Variants in TSPOAP1 observed in about 807,000 individuals in gnomAD.
The protein encoded by TSPOAP1 is TSPO associated protein 1.
In TSPOAP1, 87 loss-of-function variants were observed where a neutral mutation model predicts 197.0. The ratio of observed to expected loss-of-function variants is 0.44; its 90% CI spans 0.37 to 0.53. The LOEUF (loss-of-function observed/expected upper bound fraction) is 0.53, where lower values mean the gene tolerates loss of function less well. Among genes scored for constraint, TSPOAP1 ranks in the 20% least tolerant of loss-of-function variants. The pLI is 0.00. For missense variants in TSPOAP1, 2,174 were observed against 2,411.3 expected (o/e 0.90, Z 2.06); for synonymous variants, 913 against 998.9 (o/e 0.91, Z 1.62).
chr17:58,320,139 G>A lies in TSPOAP1; in HGVS notation c.1474-10C>T. 2 of 1,614,164 alleles carry A rather than the reference G, an allele frequency of 1.2e-6. No individual in the cohort carries two copies. Among genetic ancestry groups the A allele is most frequent in the Non-Finnish European group, 1.7e-6 (2 of 1,180,006 alleles). On this transcript the variant is annotated splice_polypyrimidine_tract_variant and intron_variant, in intron 11 of 31. Transcript: ENST00000343736. ...TGGAATCCAAGGTAGACTGTTGCAG[G>A]AAAGGAAGCAGAGAACAGGTTAGAA...
rs1971237585 is a variant in TSPOAP1, at chr17:58,316,441, A to G, written c.1972T>C (p.Phe658Leu). Residue 658 changes from phenylalanine (F) to leucine (L), a missense_variant, in exon 15 of 32, where the codon TTC becomes CTC. By Grantham distance (22) the Phe-to-Leu change is conservative (BLOSUM62 0). Transcript: ENST00000343736. Reference protein sequence around the residue: ...GSRGGARIQVFLARYSYNPFE... With the variant: ...GSRGGARIQVLLARYSYNPFE... Reference sequence around the variant, plus strand: ...GGGACCCACCTATAACGTGCTAGGAAGACCTGGATCCTGGCTCCTCCCCGG... The same window carrying G: ...GGGACCCACCTATAACGTGCTAGGAGGACCTGGATCCTGGCTCCTCCCCGG... The G allele has an allele frequency of 2.5e-6, 4 of 1,613,414 alleles. No individual in the cohort carries two copies. The highest frequency in any genetic ancestry group is 3.4e-6 in the Non-Finnish European group (4 of 1,179,612).
intron 20 of TSPOAP1, 51 bp from the exon 21 acceptor site, chr17:58,310,209 G>A (rs1971038443): frequency 2.6e-6 from 4 of 1,556,346 alleles, no homozygotes; most frequent in Non-Finnish European, 3.5e-6. Context: ...AGGGGGCACA[G>A]GGGGTTCCAG....
At chr17:58,314,925 T>A (rs1971180268) in intron 16 of TSPOAP1, among the ~76,000 whole-genome samples, 1 of 152,354 alleles carries the variant, frequency 6.6e-6, no homozygotes, top group African/African-American at 2.4e-5. Context: ...GAATACGGCA[T>A]CTTGCCCCCG....
rs1318311669 is a variant in TSPOAP1 at position 58,326,729 on chromosome 17, T to A, written c.395A>T (p.Glu132Val). The change falls in exon 2 of 32, where the codon GAG becomes GTG. Residue 132 changes from glutamate to valine, a missense_variant. This residue lies in a region of TSPOAP1 where 1,933 missense variants were observed against 2,139.0 expected (regional missense o/e 0.90). Transcript: ENST00000343736. This position sits in a 1 kb window ranked among gnomAD's most constrained non-coding sequence, Gnocchi z 4.7. ...AAGGATGGCACAGCGCTGCCGCAGC[T>A]CCCCCAGGGCCCTCAGCAGCTCCAG... ...PNLELLRALG[E>V]LRQRCAILKE... The A allele has an allele frequency of 1.2e-6, 2 of 1,613,792 alleles. No individual in the cohort carries two copies. The highest frequency in any genetic ancestry group is 3.3e-5 in the Admixed American group (2 of 59,986).
rs759094578 is a variant in TSPOAP1, at chr17:58,315,972, T to C, written c.2098+51A>G. On this transcript the variant is annotated intron_variant, in intron 16 of 31. Transcript: ENST00000343736. ...GGATGGATATCCGTCTTTGGGAACA[T>C]GGGCTCAAAGGCAGGGGAATGGACA... 18 of 1,382,120 alleles carry C rather than the reference T, an allele frequency of 1.3e-5. 1 individual carries two copies. The Admixed American group carries it at 3.0e-4, about 23-fold the overall frequency. The allele number at this position is 1,382,120 out of a possible 1,614,324, so 85.6% of individuals were successfully genotyped here. A position where few individuals can be genotyped will look rare whatever the true frequency, so the allele number is the denominator to read the frequency against.
chr17:58,310,990 A>G lies in TSPOAP1; in HGVS notation c.3305T>C (p.Leu1102Pro), dbSNP rs759183267. The stretch of plus-strand genomic sequence containing the variant: ...TCCAGGCCCTGGGGAGGCTGAAGCA[A>G]GGGGCGCTCTGGCCTCTGGGCTTGG... ...PHPSPEARAP[L>P]ASASPGPGDP... Residue 1102 changes from leucine (L) to proline (P), a missense_variant, in exon 19 of 32, where the codon CTT (leucine) becomes CCT (proline). Coordinates refer to ENST00000343736, the MANE Select transcript of TSPOAP1 (RefSeq NM_004758.4). 7 of 1,597,534 alleles carry G rather than the reference A, an allele frequency of 4.4e-6. No homozygotes were observed. The highest frequency in any genetic ancestry group is 3.4e-6 in the Non-Finnish European group (4 of 1,172,088).
chr17:58,317,177 T>C (rs1971265901), intron 14 of TSPOAP1, among the ~76,000 whole-genome samples: 1 of 152,008 alleles, frequency 6.6e-6, no homozygotes, highest in Admixed American at 6.6e-5. Flanking sequence ...GCCTGGGGGA[T>C]AGAGCGAGGC....
chr17:58,325,294 A>G (rs2143147024), intron 4 of TSPOAP1, among the ~76,000 whole-genome samples: 1 of 152,310 alleles, frequency 6.6e-6, no homozygotes, highest in Admixed American at 6.5e-5. Flanking sequence ...GTGGATGCAT[A>G]CAGCCAGACC....
chr17:58,309,974 C>T lies in TSPOAP1; in HGVS notation c.3884G>A (p.Gly1295Glu), dbSNP rs758119176. 6.2e-7 allele frequency: 1 copy of T among 1,611,804 alleles called. No individual in the cohort carries two copies. Among genetic ancestry groups the T allele is most frequent in the Admixed American group, 1.7e-5 (1 of 59,970 alleles). Reference protein sequence around the residue: ...QVAGNSIRENGAKSQPDPFCE... With the variant: ...QVAGNSIRENEAKSQPDPFCE... ...CCATCCCTACCCCGTTACCTTGGCC[C>T]CATTCTCCCTGATGCTGTTGCCAGC... Residue 1295 changes from glycine to glutamate, a missense_variant, in exon 21 of 32, where the codon GGG becomes GAG. Physicochemically the swap from Gly to Glu is moderately conservative, Grantham distance 98. This residue lies in a region of TSPOAP1 where 1,933 missense variants were observed against 2,139.0 expected (regional missense o/e 0.90). Transcript: ENST00000343736. This position sits in a 1 kb window ranked among gnomAD's most constrained non-coding sequence, Gnocchi z 5.0.
Position 58,302,340 on chromosome 17 carries a change from G to A in TSPOAP1, c.*140C>T, listed in dbSNP as rs1292198074. The A allele has an allele frequency of 1.6e-5, 20 of 1,289,436 alleles. No homozygotes were observed. Among genetic ancestry groups the A allele is most frequent in the South Asian group, 3.7e-5 (3 of 81,030 alleles). 79.9% of individuals were successfully genotyped at this position (1,289,436 alleles called of 1,614,324 possible). ...TGGAGAAGAAACCCCACACCTTCTC[G>A]CTTCTGCCCTGGGGCTCCCCACGTT... On this transcript the variant is annotated 3_prime_UTR_variant, in exon 32 of 32. Transcript: ENST00000343736.
Position 58,327,677 on chromosome 17 carries a change from C to T in TSPOAP1, c.244G>A (p.Ala82Thr), listed in dbSNP as rs1401678308. The stretch of plus-strand genomic sequence containing the variant: ...TGCTGGCCCAGGCTGGGCAGACAAG[C>T]CTCTGCTCCTTCAGGGTCAGTTCCC... ...VGGTDPEGAE[A>T]CLPSLGQQAS... The change falls in exon 1 of 32, where the codon GCT (alanine) becomes ACT (threonine). Residue 82 changes from alanine (A) to threonine (T), a missense_variant. Transcript: ENST00000343736. 6.2e-6 allele frequency: 10 copies of T among 1,613,862 alleles called. No individual in the cohort carries two copies. The highest frequency in any genetic ancestry group is 7.6e-6 in the Non-Finnish European group (9 of 1,180,040).
In TSPOAP1 at chr17:58,311,616, G is replaced by T; in HGVS notation, c.3036C>A (p.Asn1012Lys). 1 of 1,609,612 alleles carries T rather than the reference G, an allele frequency of 6.2e-7. No individual in the cohort carries two copies. Among genetic ancestry groups the T allele is most frequent in the Non-Finnish European group, 8.5e-7 (1 of 1,177,090 alleles). ...PVTIDAAGTS[N>K]GVRVTGYAIY... ...TGGCATAGCCTGTGACCCGGACACC[G>T]TTGGATGTGCCAGCAGCATCGATGG... The change falls in exon 18 of 32, where the codon AAC becomes AAA. Residue 1012 changes from asparagine to lysine, a missense_variant. Around this residue, in one of 5 missense-constraint regions of TSPOAP1, gnomAD observed 1,933 missense variants for 2,139.0 expected, o/e 0.90. Coordinates refer to ENST00000343736, the MANE Select transcript of TSPOAP1 (RefSeq NM_004758.4).
Position 58,326,535 on chromosome 17 carries a change from C to G in TSPOAP1, c.442-114G>C. 1 of 1,550,058 alleles carries G rather than the reference C, an allele frequency of 6.5e-7. No homozygotes were observed. Among genetic ancestry groups the G allele is most frequent in the Non-Finnish European group, 8.7e-7 (1 of 1,143,046 alleles). On this transcript the variant is annotated intron_variant, in intron 2 of 31. Coordinates refer to ENST00000343736, the MANE Select transcript of TSPOAP1 (RefSeq NM_004758.4). The surrounding 1 kb of genome is among the most constrained non-coding windows in gnomAD (Gnocchi z 4.7). ...GCTCACAGTGGGGTCCTTGGCAACT[C>G]TAGGCAGGGGTTCACCCTCTCTGGG...
In TSPOAP1 at chr17:58,312,420, T is replaced by C. The variant is rs775473422; in HGVS notation, c.2401A>G (p.Lys801Glu). The change falls in exon 17 of 32, where the codon AAG becomes GAG. Residue 801 changes from lysine to glutamate, a missense_variant. Lys to Glu is a moderately conservative substitution (Grantham distance 56). Around this residue, in one of 5 missense-constraint regions of TSPOAP1, gnomAD observed 1,933 missense variants for 2,139.0 expected, o/e 0.90. Transcript: ENST00000343736. Reference protein sequence around the residue: ...VPYPRRLVVLKQLAHSVVLAW... With the variant: ...VPYPRRLVVLEQLAHSVVLAW... Reference sequence around the variant, plus strand: ...AGCACCACGCTGTGGGCCAGCTGCTTGAGGACCACCAGACGGCGGGGGTAA... The same window carrying C: ...AGCACCACGCTGTGGGCCAGCTGCTCGAGGACCACCAGACGGCGGGGGTAA... The C allele has an allele frequency of 6.2e-7, 1 of 1,613,152 alleles. No individual in the cohort carries two copies. The highest frequency in any genetic ancestry group is 1.7e-5 in the Admixed American group (1 of 59,978).
chr17:58,306,163 G>A (rs921245589), intron 26 of TSPOAP1, among the ~76,000 whole-genome samples, 179 bp downstream of exon 26: 4 of 151,702 alleles, frequency 2.6e-5, no homozygotes, highest in Non-Finnish European at 4.4e-5. Context: ...GATGTGGGTG[G>A]TCTGCCGATT....
rs904118719 is a variant in TSPOAP1 at position 58,320,512 on chromosome 17, C to T, written c.1473+19G>A. On this transcript the variant is annotated intron_variant, in intron 11 of 31. Coordinates refer to ENST00000343736, the MANE Select transcript of TSPOAP1 (RefSeq NM_004758.4). Reference sequence around the variant, plus strand: ...CCTCCCAAGATGGTGGAACTGGGGGCCACTTCCAGGCGCCCTACCTCCAGC... The same window carrying T: ...CCTCCCAAGATGGTGGAACTGGGGGTCACTTCCAGGCGCCCTACCTCCAGC... The T allele has an allele frequency of 6.6e-7, 1 of 1,511,988 alleles. No individual in the cohort carries two copies. The highest frequency in any genetic ancestry group is 8.9e-7 in the Non-Finnish European group (1 of 1,129,552). The allele number at this position is 1,511,988 out of a possible 1,614,324, so 93.7% of individuals were successfully genotyped here. A position where few individuals can be genotyped will look rare whatever the true frequency, so the allele number is the denominator to read the frequency against.
rs1268119346 is a variant in TSPOAP1, at chr17:58,323,539, G to T, written c.949C>A (p.Pro317Thr). Residue 317 changes from proline to threonine, a missense_variant, in exon 6 of 32, where the codon CCC becomes ACC. Transcript: ENST00000343736. The part of the protein sequence containing the change: ...PAPGAPGEAT[P>T]QEDADNLPVI... The stretch of plus-strand genomic sequence containing the variant: ...GGTAGGTTGTCCGCATCCTCCTGGG[G>T]CGTGGCCTGGAAATGCCCAGGGGCA... The T allele has an allele frequency of 1.2e-6, 2 of 1,613,926 alleles. No homozygotes were observed. The highest frequency in any genetic ancestry group is 1.7e-6 in the Non-Finnish European group (2 of 1,179,868).
Position 58,322,278 on chromosome 17 carries a change from G to A in TSPOAP1, c.1422+30C>T, listed in dbSNP as rs760476114. ...TGAGTGGCAAAGCTGGTGTCCAGCA[G>A]CCTGCCAGCTTCCCTCACTGCCGCC... On this transcript the variant is annotated intron_variant, in intron 10 of 31. Coordinates refer to ENST00000343736, the MANE Select transcript of TSPOAP1 (RefSeq NM_004758.4). This position sits in a 1 kb window ranked among gnomAD's most constrained non-coding sequence, Gnocchi z 5.0. The A allele has an allele frequency of 1.9e-6, 3 of 1,591,746 alleles. No homozygotes were observed. Among genetic ancestry groups the A allele is most frequent in the Non-Finnish European group, 2.6e-6 (3 of 1,172,218 alleles).
rs144443753 is a variant in TSPOAP1 at position 58,308,794 on chromosome 17, T to C, written c.4478A>G (p.Lys1493Arg). 22 of 1,612,900 alleles carry C rather than the reference T, an allele frequency of 1.4e-5. No homozygotes were observed. Among genetic ancestry groups the C allele is most frequent in the Non-Finnish European group, 1.7e-5 (20 of 1,179,988 alleles). ...EPGLASCLSP[K>R]CLEISIEYDS... Reference sequence around the variant, plus strand: ...ATATTCAATGCTGATTTCCAAGCACTTGGGGGAAAGGCAGCTGGCCAGGCC... The same window carrying C: ...ATATTCAATGCTGATTTCCAAGCACCTGGGGGAAAGGCAGCTGGCCAGGCC... Residue 1493 changes from lysine to arginine, a missense_variant, in exon 22 of 32, where the codon AAG becomes AGG. Physicochemically the swap from Lys to Arg is conservative, Grantham distance 26. Transcript: ENST00000343736.
Sources: allele counts gnomAD v4.1 joint callset (sites outside exome capture counted in the v4.1 genomes callset), GRCh38; gene constraint gnomAD v4.1.1; regional missense constraint gnomAD v4.1.1; non-coding constraint Gnocchi (gnomAD v3.1); transcripts MANE v1.5; gene names NCBI Gene and HGNC (gene_info 2026-07-23, HGNC 2026-07-21).